The following NFAT5 variants were observed in gnomAD, a reference collection of about 807,000 sequenced individuals.
The protein encoded by NFAT5 is nuclear factor of activated T cells 5, also known as nuclear factor of activated T-cells 5.
In NFAT5, 31 loss-of-function variants were observed where a neutral mutation model predicts 166.5. That is an observed-to-expected ratio of 0.19 (90% CI 0.14 to 0.25). The LOEUF is 0.25. NFAT5 is among the 10% of genes least tolerant of loss of function. The pLI, the probability that NFAT5 is intolerant of heterozygous loss-of-function variation, is 1.00. For synonymous variants in NFAT5, 612 were observed against 639.7 expected, an observed-to-expected ratio of 0.96 and a Z score of 0.65; for missense variants, 1,449 against 1,821.8, an observed-to-expected ratio of 0.80 and a Z score of 3.72.
intron 3 of NFAT5, among the ~76,000 whole-genome samples, chr16:69,642,141 T>C (rs964241401): frequency 1.5e-4 from 23 of 152,098 alleles, no homozygotes; most frequent in Admixed American, 2.0e-4. Flanking sequence ...AATAAAATCC[T>C]GTTTCATCTT....
intron 4 of NFAT5, chr16:69,648,300 A>C (rs1457565792): frequency 1.0e-6 from 1 of 984,648 alleles, no homozygotes; most frequent in Non-Finnish European, 1.2e-6. Context: ...TATGGTTTAC[A>C]TTTTTTAGAG....
At chr16:69,580,793 C>A (rs948373889) in intron 2 of NFAT5, among the ~76,000 whole-genome samples, 8 of 151,948 alleles carry the variant, frequency 5.3e-5, no homozygotes, top group Non-Finnish European at 8.8e-5. Context: ...GTAGCTGGGA[C>A]TACAGGTGCC....
Position 69,692,669 on chromosome 16 carries a change from A to G in NFAT5, c.2844A>G (p.Pro948=), listed in dbSNP as rs2037595421. The G allele has an allele frequency of 1.5e-5, 25 of 1,614,238 alleles. No individual in the cohort carries two copies. The highest frequency in any genetic ancestry group is 1.9e-5 in the Non-Finnish European group (23 of 1,180,044). ...CAAATGGAAACCTTCAGCAATCGCCAGTTTACCAGCAGACTTCTCACATGA... is the reference window on the plus strand; with the variant it reads ...CAAATGGAAACCTTCAGCAATCGCCGGTTTACCAGCAGACTTCTCACATGA... ...ASANGNLQQS[P]VYQQTSHMMS... The change falls in exon 13 of 15, where the codon CCA becomes CCG. Residue 948 remains proline (P), a synonymous_variant. Coordinates refer to ENST00000349945, the MANE Select transcript of NFAT5 (RefSeq NM_138713.4).
At chr16:69,641,171 G>A (rs570296348) in intron 3 of NFAT5, among the ~76,000 whole-genome samples, 6 of 150,952 alleles carry the variant, frequency 4.0e-5, no homozygotes, top group African/African-American at 1.5e-4. Flanking sequence ...CCAGCTACTC[G>A]GGAGGCTGAG....
At chr16:69,637,955 T>A (rs956744646) in intron 3 of NFAT5, among the ~76,000 whole-genome samples, 1 of 152,166 alleles carries the variant, frequency 6.6e-6, no homozygotes, top group Non-Finnish European at 1.5e-5. Flanking sequence ...GCACGGTGGC[T>A]CACGCCTGTA....
At chr16:69,636,617 G>A (rs983410041) in intron 3 of NFAT5, among the ~76,000 whole-genome samples, 1 of 152,184 alleles carries the variant, frequency 6.6e-6, no homozygotes, top group East Asian at 1.9e-4. Context: ...CTACATGGAA[G>A]CTGCCAAGGT....
chr16:69,581,602 A>G (rs932903822), intron 2 of NFAT5, among the ~76,000 whole-genome samples: 1 of 152,138 alleles, frequency 6.6e-6, no homozygotes, highest in Non-Finnish European at 1.5e-5. Context: ...TTTTTTTGCC[A>G]GTACCTATCT....
At chr16:69,581,016 T>G in intron 2 of NFAT5, among the ~76,000 whole-genome samples, 1 of 152,110 alleles carries the variant, frequency 6.6e-6, no homozygotes, top group Non-Finnish European at 1.5e-5. Flanking sequence ...GAGAAAAAAT[T>G]CGGTTAACAA....
chr16:69,672,570 T>A (rs1210481161), intron 9 of NFAT5, among the ~76,000 whole-genome samples: 4 of 152,214 alleles, frequency 2.6e-5, no homozygotes, highest in Non-Finnish European at 5.9e-5. Context: ...TACCAAACAC[T>A]TAATAGATAC....
At chr16:69,682,089 T>C (rs576686401) in intron 10 of NFAT5, among the ~76,000 whole-genome samples, 30 of 152,122 alleles carry the variant, frequency 2.0e-4, no homozygotes, top group African/African-American at 7.2e-4. Flanking sequence ...CAAATCAAAA[T>C]GTGTATTCTC....
chr16:69,620,123 A>G (rs185769497), intron 2 of NFAT5, among the ~76,000 whole-genome samples: 17 of 152,358 alleles, frequency 1.1e-4, no homozygotes, highest in Admixed American at 5.9e-4. Context: ...TATTTTCAAT[A>G]TCTGAAAATG....
At chr16:69,688,332 T>C (rs1173586893) in intron 11 of NFAT5, among the ~76,000 whole-genome samples, 1 of 151,412 alleles carries the variant, frequency 6.6e-6, no homozygotes, top group African/African-American at 2.4e-5. Flanking sequence ...AATGAATGAA[T>C]ATTTTTAAAA....
intron 2 of NFAT5, among the ~76,000 whole-genome samples, chr16:69,587,223 C>T (rs1402709009): frequency 3.5e-5 from 5 of 143,484 alleles, no homozygotes; most frequent in African/African-American, 8.1e-5. Flanking sequence ...CTGGAATTAC[C>T]GCCTGGCTAA....
At chr16:69,691,477 C>T (rs2037542383) in intron 12 of NFAT5, among the ~76,000 whole-genome samples, 1 of 152,046 alleles carries the variant, frequency 6.6e-6, no homozygotes, top group Non-Finnish European at 1.5e-5. Flanking sequence ...GTTCTGATTA[C>T]CCTTAATTCA....
chr16:69,667,940 A>G (rs2036467675), intron 7 of NFAT5, among the ~76,000 whole-genome samples: 1 of 152,010 alleles, frequency 6.6e-6, no homozygotes, highest in African/African-American at 2.4e-5. Context: ...GGTTCTAGAC[A>G]ATACTTATTT....
chr16:69,682,321 T>A (rs1327359296), intron 10 of NFAT5, among the ~76,000 whole-genome samples: 1 of 148,500 alleles, frequency 6.7e-6, no homozygotes, highest in African/African-American at 2.5e-5. Context: ...AAAAAAGAAA[T>A]TACTGGCTGG....
intron 2 of NFAT5, among the ~76,000 whole-genome samples, chr16:69,606,643 C>G (rs898039467): frequency 2.0e-5 from 3 of 152,040 alleles, no homozygotes; most frequent in Non-Finnish European, 4.4e-5. Flanking sequence ...TCGCCTGATG[C>G]TAGGAGTTCA....
At position 69,649,544 on chromosome 16, in the gene NFAT5, A is replaced by G. The variant is rs1021651919; in HGVS notation, c.812+1958A>G. On this transcript the variant is annotated intron_variant, in intron 4 of 14. Transcript: ENST00000349945. ...TCATGGAGCAGAAATTCCATCAAGC[A>G]GAAGAAATGTCCAGCTTCTTAGGTA... 5 of 984,446 alleles carry G rather than the reference A, an allele frequency of 5.1e-6. No homozygotes were observed. In the African/African-American group the frequency reaches 8.7e-5, roughly 17 times the overall value. The allele number at this position is 984,446 out of a possible 1,614,324, so 61.0% of individuals were successfully genotyped here.
At chr16:69,644,817 C>G (rs2035366957) in intron 3 of NFAT5, 3 of 455,014 alleles carry the variant, frequency 6.6e-6, no homozygotes, top group Admixed American at 4.7e-5. Flanking sequence ...GATGTTCATA[C>G]TCTGCATTCT....
Sources: allele counts gnomAD v4.1 joint callset (sites outside exome capture counted in the v4.1 genomes callset), GRCh38; gene constraint gnomAD v4.1.1; transcripts MANE v1.5; gene names NCBI Gene and HGNC (gene_info 2026-07-23, HGNC 2026-07-21).